NTNG1: variants seen among roughly 807,000 people sequenced by gnomAD.
NTNG1 encodes the protein netrin G1, also known as netrin-G1.
A neutral mutation model predicts 54.0 loss-of-function variants in NTNG1; 16 were observed. The observed-to-expected ratio is 0.30, with a 90% CI of 0.20 to 0.45. The LOEUF (loss-of-function observed/expected upper bound fraction) is 0.45, where lower values mean the gene tolerates loss of function less well. Among genes scored for constraint, NTNG1 ranks in the 20% least tolerant of loss-of-function variants. NTNG1 has a pLI of 1.00. For missense variants in NTNG1, 530 were observed against 678.7 expected (o/e 0.78, Z 2.43); for synonymous variants, 255 against 263.1 (o/e 0.97, Z 0.30).
intron 2 of NTNG1, among the ~76,000 whole-genome samples, chr1:107,254,380 G>A (rs1021972472): frequency 6.6e-6 from 1 of 152,216 alleles, no homozygotes; most frequent in African/African-American, 2.4e-5. Context: ...AAGTCTTGGT[G>A]ACTTTATGCT....
At chr1:107,262,326 G>T (rs1663407949) in intron 2 of NTNG1, among the ~76,000 whole-genome samples, 1 of 152,144 alleles carries the variant, frequency 6.6e-6, no homozygotes, top group Non-Finnish European at 1.5e-5. Context: ...GTCTTTTGTG[G>T]GTAATGAGGG....
At chr1:107,456,021 G>A (rs561132514) in intron 7 of NTNG1, among the ~76,000 whole-genome samples, 6 of 152,258 alleles carry the variant, frequency 3.9e-5, no homozygotes, top group African/African-American at 1.4e-4. Context: ...CACCCATTTC[G>A]AGAAGGGATA....
At chr1:107,358,513 T>G (rs1670075569) in intron 3 of NTNG1, among the ~76,000 whole-genome samples, 1 of 152,092 alleles carries the variant, frequency 6.6e-6, no homozygotes, top group Admixed American at 6.6e-5. Flanking sequence ...TGCATTCTAG[T>G]GTTGATCTAG....
At chr1:107,174,909 G>GATGA (rs1162141710) in intron 2 of NTNG1, among the ~76,000 whole-genome samples, 6 of 151,830 alleles carry the variant, frequency 4.0e-5, no homozygotes, top group Admixed American at 1.3e-4. Flanking sequence ...TGAATGAATG[G>GATGA]ATGAATGAAT....
At chr1:107,198,118 T>C (rs1658473161) in intron 2 of NTNG1, among the ~76,000 whole-genome samples, 1 of 151,998 alleles carries the variant, frequency 6.6e-6, no homozygotes, top group Non-Finnish European at 1.5e-5. Context: ...TTCTAAATAA[T>C]GTGACACCAA....
At chr1:107,167,962 A>G (rs992430240) in intron 2 of NTNG1, among the ~76,000 whole-genome samples, 6 of 151,900 alleles carry the variant, frequency 3.9e-5, no homozygotes, top group African/African-American at 1.2e-4. Context: ...GCTAGAACAG[A>G]CTCCTCTGGG....
intron 2 of NTNG1, among the ~76,000 whole-genome samples, chr1:107,241,643 A>G (rs1009022979): frequency 6.6e-5 from 10 of 152,198 alleles, no homozygotes; most frequent in African/African-American, 2.4e-4. Context: ...GAATGCCAAT[A>G]GTTGTGCCAC....
At chr1:107,199,278 CT>C (rs10706795) in intron 2 of NTNG1, among the ~76,000 whole-genome samples, 148,999 of 149,998 alleles carry the variant, frequency 0.99, 74,010 homozygotes, top group East Asian at 1. Flanking sequence ...TTTATTACTT[CT>C]TTTTTTTTTC....
intron 2 of NTNG1, among the ~76,000 whole-genome samples, chr1:107,303,888 T>C (rs914866929): frequency 6.6e-6 from 1 of 152,150 alleles, no homozygotes; most frequent in African/African-American, 2.4e-5. Flanking sequence ...GGTTTCACCA[T>C]GTTGGTCAGG....
intron 7 of NTNG1, among the ~76,000 whole-genome samples, chr1:107,443,752 A>G (rs1490528438): frequency 6.6e-6 from 1 of 152,104 alleles, no homozygotes; most frequent in Admixed American, 6.6e-5. Flanking sequence ...ATCAATCTCT[A>G]TCACTACAAG....
At chr1:107,313,330 C>A (rs978982469) in intron 2 of NTNG1, among the ~76,000 whole-genome samples, 102 of 152,172 alleles carry the variant, frequency 6.7e-4, no homozygotes, top group African/African-American at 2.4e-3. Flanking sequence ...CACCCAATAG[C>A]TTTAGGAGTG....
intron 2 of NTNG1, among the ~76,000 whole-genome samples, chr1:107,242,119 C>G (rs1226657211): frequency 3.9e-5 from 6 of 151,936 alleles, no homozygotes; most frequent in Admixed American, 3.9e-4. Flanking sequence ...TACAAAAATA[C>G]AAGCATTATC....
chr1:107,387,123 C>T (rs1301384122), intron 3 of NTNG1, among the ~76,000 whole-genome samples: 2 of 152,202 alleles, frequency 1.3e-5, no homozygotes. Context: ...CAGTTGTTAG[C>T]ATTCCTAATA....
intron 3 of NTNG1, among the ~76,000 whole-genome samples, chr1:107,325,576 T>C (rs1667908379): frequency 1.3e-5 from 2 of 152,076 alleles, no homozygotes; most frequent in African/African-American, 4.8e-5. Flanking sequence ...TTAAACACAG[T>C]CAGGGATAGC....
intron 2 of NTNG1, among the ~76,000 whole-genome samples, chr1:107,218,756 T>C (rs1660138678): frequency 6.6e-6 from 1 of 152,206 alleles, no homozygotes; most frequent in South Asian, 2.1e-4. Context: ...ATAGTTGTTT[T>C]GTTTAAGGAG....
intron 5 of NTNG1, among the ~76,000 whole-genome samples, chr1:107,411,929 C>T (rs1673840683): frequency 6.6e-6 from 1 of 152,104 alleles, no homozygotes; most frequent in African/African-American, 2.4e-5. Context: ...CTCTTTAATC[C>T]TGAAGAACAA....
chr1:107,161,999 A>G (rs1655442739), intron 2 of NTNG1, among the ~76,000 whole-genome samples: 1 of 152,008 alleles, frequency 6.6e-6, no homozygotes, highest in Non-Finnish European at 1.5e-5. Context: ...TAAATTATCC[A>G]TTTGATCTAT....
At chr1:107,226,135 G>A (rs1660660121) in intron 2 of NTNG1, among the ~76,000 whole-genome samples, 1 of 152,100 alleles carries the variant, frequency 6.6e-6, no homozygotes, top group Non-Finnish European at 1.5e-5. Flanking sequence ...GTCTTTAAAG[G>A]CACTTTTAAG....
At chr1:107,309,580 T>G (rs1666883194) in intron 2 of NTNG1, among the ~76,000 whole-genome samples, 1 of 152,170 alleles carries the variant, frequency 6.6e-6, no homozygotes, top group South Asian at 2.1e-4. Flanking sequence ...TGTCCAGGAT[T>G]CTTTGTATGC....
Sources: allele counts gnomAD v4.1 joint callset (sites outside exome capture counted in the v4.1 genomes callset), GRCh38; gene constraint gnomAD v4.1.1; transcripts MANE v1.5; gene names NCBI Gene and HGNC (gene_info 2026-07-23, HGNC 2026-07-21).